The following TRIM44 variants were observed in gnomAD, a reference collection of about 807,000 sequenced individuals.
TRIM44 encodes the protein tripartite motif containing 44.
TRIM44 carries 13 observed loss-of-function variants against 37.4 expected under a neutral mutation model. The observed-to-expected ratio is 0.35, with a 90% CI of 0.23 to 0.55. TRIM44 has a LOEUF of 0.55. TRIM44 is among the 20% of genes least tolerant of loss of function. The probability of loss-of-function intolerance (pLI) is 0.89; values close to 1 mark genes in which losing one functional copy is unlikely to be tolerated. For missense variants in TRIM44, 426 were observed against 437.2 expected (o/e 0.97, Z 0.23); for synonymous variants, 175 against 157.2 (o/e 1.11, Z -0.85).
chr11:35,710,293 ATCT>A (rs1851953003), intron 2 of TRIM44, among the ~76,000 whole-genome samples: 1 of 152,166 alleles, frequency 6.6e-6, no homozygotes, highest in Non-Finnish European at 1.5e-5. Context: ...ACCTAAGGTT[ATCT>A]CTTATAAATG....
Position 35,812,027 on chromosome 11 carries a change from C to T in TRIM44, c.*5642C>T, listed in dbSNP as rs1428108025. On this transcript the variant is annotated 3_prime_UTR_variant, in exon 5 of 5. Coordinates refer to ENST00000299413, the MANE Select transcript of TRIM44 (RefSeq NM_017583.6). ...GCCTGCCACTGTAGCACTTAGGAGT[C>T]TTCAGTGTTTTAACAAACCACAATG... 6.6e-6 allele frequency: 1 copy of T among 152,186 alleles called. No homozygotes were observed. The highest frequency in any genetic ancestry group is 1.5e-5 in the Non-Finnish European group (1 of 68,038). The allele number at this position is 152,186 out of a possible 1,614,324, so 9.4% of individuals were successfully genotyped here.
intron 2 of TRIM44, among the ~76,000 whole-genome samples, chr11:35,725,556 G>A (rs1221902992): frequency 6.6e-6 from 1 of 151,956 alleles, no homozygotes; most frequent in Non-Finnish European, 1.5e-5. Context: ...GGCTGGTTTC[G>A]AACTCCTGAC....
At chr11:35,749,609 G>A (rs1011275942) in intron 4 of TRIM44, among the ~76,000 whole-genome samples, 4 of 152,208 alleles carry the variant, frequency 2.6e-5, no homozygotes, top group Non-Finnish European at 2.9e-5. Context: ...TGCTTGAACC[G>A]CGAGGCGGGA....
intron 3 of TRIM44, among the ~76,000 whole-genome samples, chr11:35,731,925 T>C (rs1326400203): frequency 6.6e-6 from 1 of 152,178 alleles, no homozygotes; most frequent in Non-Finnish European, 1.5e-5. Context: ...TTAAATGTCA[T>C]GTTTCTGGCT....
In TRIM44 at chr11:35,663,548, A is replaced by G. The variant is rs1330768039; in HGVS notation, c.437A>G (p.Gln146Arg). 1 of 1,613,062 alleles carries G rather than the reference A, an allele frequency of 6.2e-7. No homozygotes were observed. Among genetic ancestry groups the G allele is most frequent in the Non-Finnish European group, 8.5e-7 (1 of 1,179,494 alleles). The stretch of plus-strand genomic sequence containing the variant: ...GAAAGCGAGGCCGAAGAAGACAACC[A>G]AGAAGAAGGGGAATCCGAGGCGGAG... ...EQESEAEEDN[Q>R]EEGESEAEGE... is the part of the protein sequence containing the mutation. Residue 146 changes from glutamine to arginine, a missense_variant, in exon 1 of 5, where the codon CAA (glutamine) becomes CGA (arginine). Gln to Arg is a conservative substitution (Grantham distance 43). This residue lies in a region of TRIM44 where 331 missense variants were observed against 303.0 expected (regional missense o/e 1.09). Coordinates refer to ENST00000299413, the MANE Select transcript of TRIM44 (RefSeq NM_017583.6).
intron 4 of TRIM44, among the ~76,000 whole-genome samples, chr11:35,796,013 C>G (rs1853280640): frequency 6.6e-6 from 1 of 152,174 alleles, no homozygotes; most frequent in Non-Finnish European, 1.5e-5. Flanking sequence ...AGTACGAACA[C>G]CGACCTCAAA....
chr11:35,704,009 T>C (rs540300653), intron 2 of TRIM44, among the ~76,000 whole-genome samples: 163 of 152,128 alleles, frequency 1.1e-3, no homozygotes, highest in African/African-American at 3.6e-3. Flanking sequence ...TTGAAAACTT[T>C]GAAAAAAATT....
At chr11:35,760,806 A>C (rs1852714458) in intron 4 of TRIM44, among the ~76,000 whole-genome samples, 1 of 152,158 alleles carries the variant, frequency 6.6e-6, no homozygotes, top group South Asian at 2.1e-4. Flanking sequence ...AGAGCACTTA[A>C]TGTCCTCTCT....
At chr11:35,761,011 T>G (rs1852717994) in intron 4 of TRIM44, among the ~76,000 whole-genome samples, 1 of 152,190 alleles carries the variant, frequency 6.6e-6, no homozygotes, top group South Asian at 2.1e-4. Flanking sequence ...AGATCAACTT[T>G]TTTAGATTCC....
At chr11:35,695,038 T>G (rs1320663076) in intron 2 of TRIM44, among the ~76,000 whole-genome samples, 1 of 152,182 alleles carries the variant, frequency 6.6e-6, no homozygotes, top group Admixed American at 6.5e-5. Context: ...TATAAAATGT[T>G]TAAATGGCCC....
intron 3 of TRIM44, among the ~76,000 whole-genome samples, chr11:35,726,794 G>T (rs931569554): frequency 6.6e-6 from 1 of 151,860 alleles, no homozygotes; most frequent in Non-Finnish European, 1.5e-5. Context: ...AGGGTCTTAG[G>T]CATTTTACCA....
intron 4 of TRIM44, among the ~76,000 whole-genome samples, chr11:35,770,703 T>C (rs1388853713): frequency 1.3e-5 from 2 of 152,210 alleles, no homozygotes; most frequent in African/African-American, 4.8e-5. Flanking sequence ...ATGGTTTAGC[T>C]CTGTGTCCCC....
chr11:35,741,272 A>T (rs752489768), intron 4 of TRIM44, among the ~76,000 whole-genome samples: 1 of 152,136 alleles, frequency 6.6e-6, no homozygotes, highest in Non-Finnish European at 1.5e-5. Context: ...TTATTTTTCC[A>T]TGCTAAGGAT....
intron 1 of TRIM44, among the ~76,000 whole-genome samples, chr11:35,671,602 C>T (rs935691058): frequency 2.6e-5 from 4 of 152,152 alleles, no homozygotes; most frequent in Non-Finnish European, 5.9e-5. Context: ...CAAGTTCTTG[C>T]CAAAGTCTGC....
chr11:35,699,285 A>G (rs191629953), intron 2 of TRIM44, among the ~76,000 whole-genome samples: 1 of 152,298 alleles, frequency 6.6e-6, no homozygotes, highest in East Asian at 1.9e-4. Context: ...CTGGGATGCA[A>G]GTCTGGTTCA....
intron 4 of TRIM44, among the ~76,000 whole-genome samples, chr11:35,801,805 T>G (rs1384197012): frequency 6.6e-6 from 1 of 152,134 alleles, no homozygotes; most frequent in African/African-American, 2.4e-5. Context: ...AAGAAAGTGT[T>G]AAATTTCACA....
At chr11:35,803,451 G>A (rs1853397293) in intron 4 of TRIM44, among the ~76,000 whole-genome samples, 1 of 152,150 alleles carries the variant, frequency 6.6e-6, no homozygotes, top group African/African-American at 2.4e-5. Context: ...CTCATGAACA[G>A]TCAGGCATGG....
chr11:35,706,333 A>C (rs1851880781), intron 2 of TRIM44, among the ~76,000 whole-genome samples: 1 of 152,138 alleles, frequency 6.6e-6, no homozygotes, highest in African/African-American at 2.4e-5. Flanking sequence ...TACCAGAGGT[A>C]CAAGGAGTAA....
At chr11:35,798,088 T>C (rs925835026) in intron 4 of TRIM44, among the ~76,000 whole-genome samples, 29 of 152,128 alleles carry the variant, frequency 1.9e-4, no homozygotes, top group African/African-American at 7.0e-4. Context: ...AAGATATACA[T>C]TGGTTCGGTC....
Sources: allele counts gnomAD v4.1 joint callset (sites outside exome capture counted in the v4.1 genomes callset), GRCh38; gene constraint gnomAD v4.1.1; regional missense constraint gnomAD v4.1.1; transcripts MANE v1.5; gene names NCBI Gene and HGNC (gene_info 2026-07-23, HGNC 2026-07-21).